CSF2RA: variants seen among roughly 807,000 people sequenced by gnomAD.
CSF2RA encodes colony stimulating factor 2 receptor subunit alpha.
A neutral mutation model predicts 51.6 loss-of-function variants in CSF2RA; 42 were observed. The ratio of observed to expected loss-of-function variants is 0.81; its 90% CI spans 0.64 to 1.05. The LOEUF (loss-of-function observed/expected upper bound fraction) is 1.05, where lower values mean the gene tolerates loss of function less well. CSF2RA is among the 50% of genes least tolerant of loss of function. The pLI, the probability that CSF2RA is intolerant of heterozygous loss-of-function variation, is 0.00. For missense variants in CSF2RA, 530 were observed against 501.1 expected (o/e 1.06, Z -0.55); for synonymous variants, 222 against 193.0 (o/e 1.15, Z -1.24).
chrX:1,309,180 T>C (rs1369313079), intron 12 of CSF2RA, among the ~76,000 whole-genome samples: 1 of 152,010 alleles, frequency 6.6e-6, no homozygotes, highest in Admixed American at 6.6e-5. Flanking sequence ...AAATTTGTGG[T>C]GGCGGGCGCC....
intron 1 of CSF2RA, among the ~76,000 whole-genome samples, chrX:1,272,557 A>C (rs1156744766): frequency 1.3e-5 from 2 of 151,064 alleles, no homozygotes; most frequent in Non-Finnish European, 3.0e-5. Context: ...GTGCGATCTC[A>C]GCTCACTGCA....
intron 12 of CSF2RA, chrX:1,305,728 C>T (rs757741362): frequency 2.6e-6 from 4 of 1,552,824 alleles, no homozygotes; most frequent in African/African-American, 1.4e-5. Context: ...TCAGAGTCAT[C>T]TCTGTGAGCT....
chrX:1,279,350 AAAT>A (rs201832168), intron 2 of CSF2RA, among the ~76,000 whole-genome samples: 56,456 of 149,616 alleles, frequency 0.38, 14,322 homozygotes, highest in African/African-American at 0.71. Flanking sequence ...ACCGTCTACA[AAAT>A]AATAATAATA....
the CSF2RA span, among the ~76,000 whole-genome samples, chrX:1,322,997 CG>C: frequency 6.6e-6 from 1 of 151,466 alleles, no homozygotes; most frequent in Non-Finnish European, 1.5e-5. Flanking sequence ...GGCGTGGTGG[CG>C]GGCGCCTGTG....
intron 10 of CSF2RA, among the ~76,000 whole-genome samples, chrX:1,302,105 G>A (rs1425552708): frequency 1.3e-5 from 2 of 150,424 alleles, no homozygotes; most frequent in Non-Finnish European, 3.0e-5. Context: ...TAGTAGAGAC[G>A]GGGTTTCACC....
At chrX:1,318,127 T>G in the CSF2RA span, among the ~76,000 whole-genome samples, 1 of 151,142 alleles carries the variant, frequency 6.6e-6, no homozygotes, top group Non-Finnish European at 1.5e-5. Flanking sequence ...TAGCTGGGAC[T>G]ACAGGCACCC....
At chrX:1,299,717 A>G (rs2092243758) in intron 9 of CSF2RA, among the ~76,000 whole-genome samples, 1 of 152,150 alleles carries the variant, frequency 6.6e-6, no homozygotes, top group Non-Finnish European at 1.5e-5. Context: ...CAGCAGTTCA[A>G]GACCAGCCTG....
chrX:1,300,813 A>T (rs2092316059), intron 10 of CSF2RA, among the ~76,000 whole-genome samples, 187 bp downstream of exon 10: 1 of 152,068 alleles, frequency 6.6e-6, no homozygotes, highest in Admixed American at 6.6e-5. Flanking sequence ...GTCCCGCAAC[A>T]TTGCTTTGCT....
At chrX:1,324,777 G>A in the CSF2RA span, among the ~76,000 whole-genome samples, 2 of 152,058 alleles carry the variant, frequency 1.3e-5, no homozygotes, top group African/African-American at 4.8e-5. Flanking sequence ...GTGGACGCAC[G>A]CAGGGAAAGC....
Position 1,290,442 on chromosome X carries a change from G to T in CSF2RA, c.579G>T (p.Leu193=). 1 of 1,613,786 alleles carries T rather than the reference G, an allele frequency of 6.2e-7. No homozygotes were observed. Among genetic ancestry groups the T allele is most frequent in the Non-Finnish European group, 8.5e-7 (1 of 1,179,812 alleles). ...LSGLTSRNYF[L]VNGTSREIGI... The stretch of plus-strand genomic sequence containing the variant: ...GATTAACGTCTCGCAATTACTTTCT[G>T]GTTAACGGAACCAGCCGAGAAATTG... The change falls in exon 7 of 13, where the codon CTG becomes CTT. Residue 193 remains leucine (L), a synonymous_variant. Transcript: ENST00000381529.
intron 1 of CSF2RA, among the ~76,000 whole-genome samples, chrX:1,274,267 C>T (rs2088845368): frequency 1.3e-5 from 2 of 151,970 alleles, no homozygotes; most frequent in Middle Eastern, 3.4e-3. Flanking sequence ...CAGGAAATCG[C>T]GATGACAGGT....
chrX:1,323,850 T>TA, the CSF2RA span, among the ~76,000 whole-genome samples: 1 of 151,262 alleles, frequency 6.6e-6, no homozygotes, highest in Non-Finnish European at 1.5e-5. Flanking sequence ...CCGTCTCTAA[T>TA]AAAAATACAA....
intron 2 of CSF2RA, among the ~76,000 whole-genome samples, chrX:1,279,119 G>A (rs28682511): frequency 0.28 from 42,774 of 150,746 alleles, 7,708 homozygotes; most frequent in Non-Finnish European, 0.4. Flanking sequence ...GGGAGGCCGA[G>A]GCAGGGGGAT....
At chrX:1,314,639 ACC>A (rs1268893810), downstream of CSF2RA, among the ~76,000 whole-genome samples, 3 of 3,676 alleles carry the variant, frequency 8.2e-4, 1 homozygote, top group Admixed American at 4.6e-3. Flanking sequence ...AACCTGCTCA[ACC>A]CCACTTCACC....
intron 7 of CSF2RA, among the ~76,000 whole-genome samples, chrX:1,293,570 A>G (rs73618041): frequency 0.011 from 1,542 of 142,892 alleles, 32 homozygotes; most frequent in African/African-American, 0.037. Flanking sequence ...AGGTGTCCCT[A>G]CTCCACATTT....
At chrX:1,308,066 G>C (rs1442362737) in intron 12 of CSF2RA, among the ~76,000 whole-genome samples, 1 of 151,782 alleles carries the variant, frequency 6.6e-6, no homozygotes, top group South Asian at 2.1e-4. Flanking sequence ...GATTAGATGA[G>C]GCCCACCCCC....
intron 3 of CSF2RA, among the ~76,000 whole-genome samples, chrX:1,283,677 C>A (rs185441980): frequency 6.6e-6 from 1 of 151,804 alleles, no homozygotes; most frequent in Admixed American, 6.6e-5. Context: ...AAGCGATTCT[C>A]CTGCCTCAGC....
intron 5 of CSF2RA, 50 bp downstream of exon 5, chrX:1,288,692 C>G (rs183840941): frequency 6.2e-7 from 1 of 1,613,898 alleles, no homozygotes; most frequent in African/African-American, 1.3e-5. Flanking sequence ...CCCACCACCC[C>G]GCCAGCATCA....
intron 12 of CSF2RA, among the ~76,000 whole-genome samples, chrX:1,306,780 GAGA>G (rs1448186363): frequency 6.6e-6 from 1 of 151,354 alleles, no homozygotes; most frequent in African/African-American, 2.4e-5. Flanking sequence ...GAGAGAGAGG[GAGA>G]AGGAGACATA....
Sources: allele counts gnomAD v4.1 joint callset (sites outside exome capture counted in the v4.1 genomes callset), GRCh38; gene constraint gnomAD v4.1.1; transcripts MANE v1.5; gene names NCBI Gene and HGNC (gene_info 2026-07-23, HGNC 2026-07-21).